Variants in EML5 observed in about 807,000 individuals in gnomAD.
EML5 encodes echinoderm microtubule-associated protein-like 5.
Under a neutral mutation model 250.0 loss-of-function variants are expected in EML5, and 120 were observed. The ratio of observed to expected loss-of-function variants is 0.48; its 90% CI spans 0.41 to 0.56. The LOEUF (loss-of-function observed/expected upper bound fraction) is 0.56. Ranked by LOEUF, EML5 falls within the 20% of genes least tolerant of loss-of-function variation. The pLI, the probability that EML5 is intolerant of heterozygous loss-of-function variation, is 0.00. For synonymous variants in EML5, 771 were observed against 806.5 expected, an observed-to-expected ratio of 0.96 and a Z score of 0.75; for missense variants, 2,006 against 2,437.6, an observed-to-expected ratio of 0.82 and a Z score of 3.73.
intron 3 of EML5, among the ~76,000 whole-genome samples, chr14:88,745,201 T>C (rs892898054): frequency 2.1e-5 from 2 of 97,398 alleles, no homozygotes; most frequent in East Asian, 7.0e-4. Context: ...GTGTGTGTAA[T>C]AGGCCTCTCT....
At chr14:88,685,277 A>G in intron 19 of EML5, 135 bp from the exon 20 acceptor site, 1 of 648,192 alleles carries the variant, frequency 1.5e-6, no homozygotes, top group Non-Finnish European at 2.4e-6. Context: ...GTATTCTAAT[A>G]AATGTACTAT....
chr14:88,676,729 A>G (rs944052046), intron 21 of EML5, among the ~76,000 whole-genome samples: 2 of 152,208 alleles, frequency 1.3e-5, no homozygotes, highest in African/African-American at 4.8e-5. Flanking sequence ...TCCCACTTCA[A>G]GCTATACTAC....
chr14:88,684,898 TAAC>T (rs2092797746), intron 20 of EML5, 114 bp downstream of exon 20: 1 of 962,394 alleles, frequency 1.0e-6, no homozygotes, highest in East Asian at 2.8e-5. Context: ...CTGTATACAT[TAAC>T]AAATATTTCC....
chr14:88,628,270 C>T (rs1350025007), intron 33 of EML5, among the ~76,000 whole-genome samples: 2 of 152,054 alleles, frequency 1.3e-5, no homozygotes, highest in Non-Finnish European at 2.9e-5. Flanking sequence ...TAGACAAAGG[C>T]AGTAGATAGG....
rs200411307 is a variant in EML5 at position 88,774,539 on chromosome 14, T to TA, written c.197+17767dup. The stretch of plus-strand genomic sequence containing the variant: ...GGGAGTCTTATGATTACAATATAAT[T>TA]ATAGCAAAACTTCGCTAAGGTGAAG... On this transcript the variant is annotated intron_variant, in intron 1 of 43. Transcript: ENST00000554922. 4.8e-3 allele frequency among the ~76,000 whole-genome samples: 726 copies of TA among 152,284 alleles called. 12 individuals carry two copies. Among genetic ancestry groups the TA allele is most frequent in the African/African-American group, 0.016 (680 of 41,544 alleles).
At chr14:88,769,027 G>C (rs1254810406) in intron 1 of EML5, among the ~76,000 whole-genome samples, 2 of 152,150 alleles carry the variant, frequency 1.3e-5, no homozygotes, top group Non-Finnish European at 2.9e-5. Context: ...GCAAAAATTA[G>C]TTCTTAAATG....
At chr14:88,691,781 G>A (rs557797810) in intron 17 of EML5, among the ~76,000 whole-genome samples, 8 of 152,250 alleles carry the variant, frequency 5.3e-5, no homozygotes, top group Admixed American at 4.6e-4. Context: ...TTCCCAAGTG[G>A]TTAATGAACT....
rs191745650 is a variant in EML5 at position 88,695,478 on chromosome 14, T to G, written c.2345-24A>C. The G allele has an allele frequency of 8.9e-6, 14 of 1,576,716 alleles. No individual in the cohort carries two copies. The Admixed American group carries it at 1.9e-4, about 21-fold the overall frequency. ...CGCTGTGGAAAATTAATGAGAGAGA[T>G]AAACTGACTATTAACATTCAGAAGA... is the stretch of plus-strand genomic sequence containing the variant. On this transcript the variant is annotated intron_variant, in intron 15 of 43. Transcript: ENST00000554922.
chr14:88,740,476 C>T lies in EML5; in HGVS notation c.622G>A (p.Asp208Asn), dbSNP rs934619957. The change falls in exon 5 of 44, where the codon GAT becomes AAT. Residue 208 changes from aspartate to asparagine, a missense_variant. This residue lies in a region of EML5 where 1,375 missense variants were observed against 1,590.3 expected (regional missense o/e 0.86). Coordinates refer to ENST00000554922, the MANE Select transcript of EML5 (RefSeq NM_183387.3). ...QTILCLACAR[D>N]ELTYSGALNG... The stretch of plus-strand genomic sequence containing the variant: ...AGTGCACCAGAATATGTTAATTCAT[C>T]CCTTGCACAGGCTAGGCACAGTATT... 1.2e-6 allele frequency: 2 copies of T among 1,613,856 alleles called. No individual in the cohort carries two copies. Among genetic ancestry groups the T allele is most frequent in the Non-Finnish European group, 1.7e-6 (2 of 1,179,808 alleles).
At chr14:88,769,327 C>T (rs565008608) in intron 1 of EML5, among the ~76,000 whole-genome samples, 1 of 152,166 alleles carries the variant, frequency 6.6e-6, no homozygotes, top group African/African-American at 2.4e-5. Flanking sequence ...TCCTTCTACT[C>T]TAGCCATGTG....
At chr14:88,711,790 C>G in intron 10 of EML5, among the ~76,000 whole-genome samples, 1 of 151,864 alleles carries the variant, frequency 6.6e-6, no homozygotes, top group East Asian at 1.9e-4. Flanking sequence ...ACTAAAAATA[C>G]AAAAATTAGC....
At chr14:88,746,336 G>T in intron 2 of EML5, 53 bp from the exon 3 acceptor site, 1 of 1,437,530 alleles carries the variant, frequency 7.0e-7, no homozygotes, top group South Asian at 1.2e-5. Flanking sequence ...ACAAATCAAA[G>T]AGAAACTGAA....
chr14:88,660,239 C>T (rs1361022002), intron 25 of EML5, among the ~76,000 whole-genome samples: 4 of 148,772 alleles, frequency 2.7e-5, no homozygotes, highest in Admixed American at 6.7e-5. Flanking sequence ...GCCATGATTG[C>T]GCCATTGCAT....
chr14:88,691,432 C>T (rs780377569), intron 17 of EML5, among the ~76,000 whole-genome samples: 8 of 152,160 alleles, frequency 5.3e-5, no homozygotes, highest in Non-Finnish European at 1.2e-4. Context: ...AAAAGTTTGC[C>T]ACCTTTGGTT....
rs2087590689 is a variant in EML5, at chr14:88,616,234, G to A, written c.5805C>T (p.His1935=). 9 of 1,613,810 alleles carry A rather than the reference G, an allele frequency of 5.6e-6. No homozygotes were observed. The highest frequency in any genetic ancestry group is 7.6e-6 in the Non-Finnish European group (9 of 1,179,744). The change falls in exon 43 of 44, where the codon CAC becomes CAT. Residue 1935 remains histidine (H), a synonymous_variant. Transcript: ENST00000554922. ...GGGGCGAATGACCCAAGAACCTTTT[G>A]TGTTTTGCCTAAAAAACAATGACAG... ...DFPCPEKFAK[H]KRFLGHSPHV... is the part of the protein sequence containing the mutation.
At chr14:88,697,487 A>G (rs2093105720) in intron 14 of EML5, among the ~76,000 whole-genome samples, 1 of 152,200 alleles carries the variant, frequency 6.6e-6, no homozygotes, top group South Asian at 2.1e-4. Flanking sequence ...AGGGGGTTAA[A>G]GTACCAAGCA....
chr14:88,771,706 A>C (rs2140609841), intron 1 of EML5, among the ~76,000 whole-genome samples: 1 of 152,288 alleles, frequency 6.6e-6, no homozygotes, highest in South Asian at 2.1e-4. Context: ...ACATTGCCAA[A>C]CCTAATGATA....
intron 20 of EML5, among the ~76,000 whole-genome samples, chr14:88,683,725 T>C (rs1317477830): frequency 6.6e-6 from 1 of 152,092 alleles, no homozygotes; most frequent in Non-Finnish European, 1.5e-5. Flanking sequence ...GAAAAACACA[T>C]GATCAGCTTA....
chr14:88,688,389 TCAGTC>T lies in EML5; in HGVS notation c.2619_2623del (p.Trp873Ter), dbSNP rs759252126. On this transcript the variant is annotated stop_gained and frameshift_variant, in exon 18 of 44. Coordinates refer to ENST00000554922, the MANE Select transcript of EML5 (RefSeq NM_183387.3). LOFTEE classifies it high-confidence loss of function. ...GGATGTTCCAGAAAAAGCCATCTCTTCAGTCCATCCATACACTGCACACATCATTG... is the reference window on the plus strand; with the variant it reads ...GGATGTTCCAGAAAAAGCCATCTCTTCATCCATACACTGCACACATCATTG... 1.2e-6 allele frequency: 2 copies of T among 1,614,000 alleles called. No homozygotes were observed. The highest frequency in any genetic ancestry group is 1.7e-6 in the Non-Finnish European group (2 of 1,179,888).
Sources: gnomAD v4.1 joint callset for allele counts (sites outside exome capture counted in the v4.1 genomes callset) on GRCh38, gnomAD v4.1.1 for gene constraint, gnomAD v4.1.1 regional missense constraint, MANE v1.5 for transcripts, NCBI Gene and HGNC (gene_info 2026-07-23, HGNC 2026-07-21) for gene names.